Variants in TANC2 observed in about 807,000 individuals in gnomAD.
TANC2 encodes the protein protein TANC2.
A neutral mutation model predicts 210.5 loss-of-function variants in TANC2; 26 were observed. That is an observed-to-expected ratio of 0.12 (90% CI 0.09 to 0.17). The LOEUF is 0.17. TANC2 is among the 10% of genes least tolerant of loss of function. The pLI is 1.00. For missense variants in TANC2, 2,129 were observed against 2,608.9 expected (o/e 0.82, Z 4.01); for synonymous variants, 931 against 967.1 (o/e 0.96, Z 0.69).
chr17:63,033,315 T>G (rs930925689), intron 2 of TANC2, among the ~76,000 whole-genome samples: 3 of 152,152 alleles, frequency 2.0e-5, no homozygotes, highest in Non-Finnish European at 4.4e-5. Flanking sequence ...TTCCCCTGAT[T>G]TGATGATTGG....
chr17:63,320,531 A>C (rs2045462596), intron 11 of TANC2: 1 of 152,056 alleles, frequency 6.6e-6, no homozygotes, highest in South Asian at 2.1e-4. Flanking sequence ...TTTGATACTT[A>C]CTGTTTCTAA....
chr17:63,104,076 A>G (rs1179465975), intron 4 of TANC2, among the ~76,000 whole-genome samples: 3 of 152,158 alleles, frequency 2.0e-5, no homozygotes, highest in East Asian at 1.9e-4. Context: ...TAGTATATCA[A>G]TTAAGATTTT....
intron 2 of TANC2, among the ~76,000 whole-genome samples, chr17:63,012,658 A>G (rs1221378684): frequency 6.6e-6 from 1 of 151,874 alleles, no homozygotes; most frequent in East Asian, 1.9e-4. Flanking sequence ...GTTTTGTTTT[A>G]TTTTATTTTT....
intron 4 of TANC2, among the ~76,000 whole-genome samples, chr17:63,132,741 T>A (rs1042045128): frequency 2.6e-5 from 4 of 152,180 alleles, no homozygotes; most frequent in African/African-American, 9.7e-5. Flanking sequence ...GAAATATGAT[T>A]CTTTACTCAG....
At chr17:63,354,379 CT>C (rs980388511) in intron 13 of TANC2, among the ~76,000 whole-genome samples, 34 of 152,244 alleles carry the variant, frequency 2.2e-4, no homozygotes, top group African/African-American at 8.2e-4. Context: ...AGAAAGCCAA[CT>C]TTTTCTAAGC....
intron 2 of TANC2, among the ~76,000 whole-genome samples, chr17:63,017,069 A>C (rs1385425142): frequency 1.3e-5 from 2 of 152,154 alleles, no homozygotes; most frequent in Non-Finnish European, 2.9e-5. Flanking sequence ...TAACTCTTAC[A>C]TTTAGGTTGT....
intron 2 of TANC2, among the ~76,000 whole-genome samples, chr17:63,062,265 A>G (rs1273234445): frequency 2.0e-5 from 3 of 152,160 alleles, no homozygotes; most frequent in African/African-American, 7.2e-5. Flanking sequence ...AACTCCACAT[A>G]GCTTTCTCTT....
At chr17:63,274,413 T>C (rs1035665923) in intron 9 of TANC2, among the ~76,000 whole-genome samples, 1 of 152,060 alleles carries the variant, frequency 6.6e-6, no homozygotes, top group Non-Finnish European at 1.5e-5. Flanking sequence ...TAGTACAGAG[T>C]ATATAGCTAG....
intron 3 of TANC2, among the ~76,000 whole-genome samples, chr17:63,075,481 C>T (rs1328403513): frequency 6.6e-6 from 1 of 152,080 alleles, no homozygotes; most frequent in Admixed American, 6.5e-5. Flanking sequence ...AAGCATGTTT[C>T]TTAACTTTTT....
intron 10 of TANC2, among the ~76,000 whole-genome samples, chr17:63,318,005 C>T (rs1364256312): frequency 6.6e-6 from 1 of 152,208 alleles, no homozygotes; most frequent in Admixed American, 6.5e-5. Context: ...GTCCTTGAGG[C>T]TTCTTTCACT....
chr17:63,296,828 G>A (rs1275013013), intron 9 of TANC2, among the ~76,000 whole-genome samples: 1 of 152,034 alleles, frequency 6.6e-6, no homozygotes, highest in Non-Finnish European at 1.5e-5. Flanking sequence ...AGAAGCAGAA[G>A]AAATAGTGAA....
chr17:63,317,591 C>A (rs1166908088), intron 10 of TANC2, among the ~76,000 whole-genome samples: 1 of 152,180 alleles, frequency 6.6e-6, no homozygotes, highest in Non-Finnish European at 1.5e-5. Flanking sequence ...ATGTTTCTAT[C>A]ACTAAAAGTC....
intron 2 of TANC2, among the ~76,000 whole-genome samples, chr17:63,041,947 A>G (rs145919270): frequency 1.4e-3 from 217 of 152,324 alleles, no homozygotes; most frequent in African/African-American, 5.0e-3. Context: ...CGCAAACAGC[A>G]GGATGCTGCA....
rs149289656 is a variant in TANC2, at chr17:63,156,259, T to C, written c.433+4879T>C. Among the ~76,000 whole-genome samples, 186 of 152,244 alleles carry C rather than the reference T, an allele frequency of 1.2e-3. 1 individual carries two copies. The highest frequency in any genetic ancestry group is 3.9e-3 in the African/African-American group (161 of 41,562). ...AACAGAATTTTTAACCTGAGTAAAA[T>C]TGATGAGCTTTGGGGGGAGTCTTAG... On this transcript the variant is annotated intron_variant, in intron 5 of 27. Coordinates refer to ENST00000689528, the Ensembl canonical transcript of TANC2.
chr17:62,983,891 G>A (rs1258884384), intron 1 of TANC2, among the ~76,000 whole-genome samples: 1 of 151,974 alleles, frequency 6.6e-6, no homozygotes, highest in African/African-American at 2.4e-5. Flanking sequence ...GAGAAGTTTT[G>A]CTTCTATGTT....
intron 15 of TANC2, among the ~76,000 whole-genome samples, chr17:63,383,777 A>G (rs185140501): frequency 3.8e-4 from 58 of 152,332 alleles, no homozygotes; most frequent in African/African-American, 1.3e-3. Context: ...CTTGCAAGAC[A>G]TTGCCAGACT....
chr17:63,211,570 C>T (rs530165948), intron 7 of TANC2, among the ~76,000 whole-genome samples: 66 of 152,218 alleles, frequency 4.3e-4, no homozygotes, highest in African/African-American at 1.5e-3. Context: ...CCCACCTTTC[C>T]TCAGCTCTGC....
At chr17:63,197,233 T>C (rs1046959076) in intron 6 of TANC2, among the ~76,000 whole-genome samples, 1 of 152,162 alleles carries the variant, frequency 6.6e-6, no homozygotes, top group Non-Finnish European at 1.5e-5. Context: ...ATTATGCCTC[T>C]CATACCAGGT....
intron 5 of TANC2, among the ~76,000 whole-genome samples, chr17:63,177,354 GA>G (rs1458479145): frequency 2.0e-5 from 3 of 150,294 alleles, no homozygotes; most frequent in African/African-American, 7.4e-5. Context: ...GTTTTAGAAA[GA>G]GAAGATCAGT....
Sources: gnomAD v4.1 joint callset for allele counts (sites outside exome capture counted in the v4.1 genomes callset) on GRCh38, gnomAD v4.1.1 for gene constraint, MANE v1.5 for transcripts, NCBI Gene and HGNC (gene_info 2026-07-23, HGNC 2026-07-21) for gene names.